HTT: variants seen among roughly 807,000 people sequenced by gnomAD.
HTT encodes the protein huntington disease protein.
In HTT, 104 loss-of-function variants were observed where a neutral mutation model predicts 362.3. The observed-to-expected ratio is 0.29, with a 90% confidence interval of 0.24 to 0.34. The LOEUF is 0.34. Ranked by LOEUF, HTT falls within the 10% of genes least tolerant of loss-of-function variation. The pLI is 1.00. For synonymous variants in HTT, 1,577 were observed against 1,548.7 expected, an observed-to-expected ratio of 1.02 and a Z score of -0.43; for missense variants, 3,301 against 3,928.6, an observed-to-expected ratio of 0.84 and a Z score of 4.27.
chr4:3,213,685 A>T (rs1720266306), intron 49 of HTT, among the ~76,000 whole-genome samples: 1 of 152,238 alleles, frequency 6.6e-6, no homozygotes. Flanking sequence ...CACGTAGCCC[A>T]GGAGAGATTT....
chr4:3,080,120 G>C (rs2110135122), intron 1 of HTT, among the ~76,000 whole-genome samples: 1 of 139,176 alleles, frequency 7.2e-6, no homozygotes, highest in South Asian at 2.3e-4. Context: ...TTGAAACGGA[G>C]TTTCGCTCTT....
chr4:3,088,308 T>C (rs1263180769), intron 2 of HTT, among the ~76,000 whole-genome samples: 5 of 151,344 alleles, frequency 3.3e-5, no homozygotes, highest in Non-Finnish European at 7.4e-5. Flanking sequence ...TGCTTCAGCC[T>C]GGCGAGTAGC....
intron 41 of HTT, among the ~76,000 whole-genome samples, chr4:3,202,055 C>T (rs1299184316): frequency 6.6e-6 from 1 of 152,188 alleles, no homozygotes; most frequent in Non-Finnish European, 1.5e-5. Context: ...CTGCCCTAGC[C>T]TAGCCCCTCT....
intron 47 of HTT, among the ~76,000 whole-genome samples, chr4:3,210,778 C>T (rs138212516): frequency 3.3e-5 from 5 of 152,206 alleles, no homozygotes; most frequent in South Asian, 4.2e-4. Context: ...CCGGGAGTGA[C>T]GGCAGGTGTT....
chr4:3,092,839 G>A (rs1383625982), intron 2 of HTT, among the ~76,000 whole-genome samples: 1 of 152,342 alleles, frequency 6.6e-6, no homozygotes, highest in South Asian at 2.1e-4. Flanking sequence ...AGAAATATAT[G>A]TAACAGTGGT....
chr4:3,205,020 T>G (rs1394363096), intron 42 of HTT, among the ~76,000 whole-genome samples: 1 of 152,178 alleles, frequency 6.6e-6, no homozygotes, highest in Non-Finnish European at 1.5e-5. Context: ...AGAAAAGGTG[T>G]TAGATGTTCT....
chr4:3,173,129 G>A lies in HTT; in HGVS notation c.4164G>A (p.Ser1388=), dbSNP rs772006950. Residue 1388 remains serine (S), a splice_region_variant and synonymous_variant, in exon 31 of 67, where the codon TCG becomes TCA. Coordinates refer to ENST00000355072, the MANE Select transcript of HTT (RefSeq NM_001388492.1). ...AGGCGGAGCAGGAGAACGACACCTC[G>A]GGGTAACAGTTGTGGCAAGAATGCT... ...MVQAEQENDT[S]GWFDVLQKVS... 22 of 1,612,830 alleles carry A rather than the reference G, an allele frequency of 1.4e-5. No homozygotes were observed. The highest frequency in any genetic ancestry group is 3.3e-5 in the Admixed American group (2 of 60,024).
chr4:3,211,473 A>G (rs554192257), intron 47 of HTT, among the ~76,000 whole-genome samples: 11 of 152,238 alleles, frequency 7.2e-5, no homozygotes, highest in Non-Finnish European at 1.6e-4. Context: ...AAATTGACAT[A>G]AGAAATACCA....
At chr4:3,131,092 G>C (rs1715789028) in intron 14 of HTT, among the ~76,000 whole-genome samples, 194 bp from the exon 15 acceptor site, 1 of 151,946 alleles carries the variant, frequency 6.6e-6, no homozygotes, top group East Asian at 1.9e-4. Context: ...CCTGTGTCCT[G>C]CTGCCTCTGA....
At chr4:3,147,681 A>G (rs1716675009) in intron 25 of HTT, among the ~76,000 whole-genome samples, 1 of 152,204 alleles carries the variant, frequency 6.6e-6, no homozygotes, top group Non-Finnish European at 1.5e-5. Flanking sequence ...TTGGGACTGT[A>G]GGGAAGACAC....
At chr4:3,086,704 A>G (rs1443253402) in intron 1 of HTT, among the ~76,000 whole-genome samples, 1 of 152,308 alleles carries the variant, frequency 6.6e-6, no homozygotes, top group South Asian at 2.1e-4. Flanking sequence ...AATGGGGGAA[A>G]TGAACTGCTT....
chr4:3,148,375 G>A (rs1035404819), intron 26 of HTT, among the ~76,000 whole-genome samples, 168 bp downstream of exon 26: 5 of 152,156 alleles, frequency 3.3e-5, no homozygotes, highest in Non-Finnish European at 5.9e-5. Context: ...CATGTGGATG[G>A]GTGCAGTGGC....
intron 2 of HTT, among the ~76,000 whole-genome samples, chr4:3,093,172 G>C (rs1282498998): frequency 1.3e-5 from 2 of 152,122 alleles, no homozygotes; most frequent in South Asian, 2.1e-4. Flanking sequence ...AATGACCCAG[G>C]GCTGGAGGTA....
chr4:3,081,483 A>C (rs967585360), intron 1 of HTT, among the ~76,000 whole-genome samples: 6 of 152,272 alleles, frequency 3.9e-5, no homozygotes, highest in African/African-American at 1.4e-4. Context: ...ACTAGCCAAA[A>C]ATATGCAGGT....
intron 40 of HTT, among the ~76,000 whole-genome samples, chr4:3,191,227 G>T (rs1347817007): frequency 6.6e-6 from 1 of 151,278 alleles, no homozygotes; most frequent in Admixed American, 6.6e-5. Context: ...ATCCTGGAGT[G>T]CAATGGTGCC....
chr4:3,218,353 C>G lies in HTT; in HGVS notation c.7242+401C>G, dbSNP rs1395907696. Among the ~76,000 whole-genome samples, 1 of 152,172 alleles carries G rather than the reference C, an allele frequency of 6.6e-6. No homozygotes were observed. The highest frequency in any genetic ancestry group is 6.5e-5 in the Admixed American group (1 of 15,280). On this transcript the variant is annotated intron_variant, in intron 52 of 66. Coordinates refer to ENST00000355072, the MANE Select transcript of HTT (RefSeq NM_001388492.1). This position sits in a 1 kb window ranked among gnomAD's most constrained non-coding sequence, Gnocchi z 4.4. ...AATTGGTTTAAAGTAGGTGTTATTG[C>G]CAGGCGCAGTAGCTCATGCCTGTAA... is the stretch of plus-strand genomic sequence containing the variant.
chr4:3,186,498 T>C, intron 37 of HTT, 99 bp from the exon 38 acceptor site: 1 of 1,314,442 alleles, frequency 7.6e-7, no homozygotes. Context: ...GACGATGAGA[T>C]GATTATGATG....
Position 3,205,529 on chromosome 4 carries a change from GA to G in HTT, c.5719-961del, listed in dbSNP as rs528590689. Among the ~76,000 whole-genome samples, 211 of 152,058 alleles carry G rather than the reference GA, an allele frequency of 1.4e-3. 2 individuals carry two copies. Among genetic ancestry groups the G allele is most frequent in the Non-Finnish European group, 3.8e-4 (26 of 67,978 alleles). ...AATGCTGTTTTTCACAGAAATATAA[GA>G]AAAAAGATACTAATTTTATAAGTTA... is the stretch of plus-strand genomic sequence containing the variant. On this transcript the variant is annotated intron_variant, in intron 42 of 66. Coordinates refer to ENST00000355072, the MANE Select transcript of HTT (RefSeq NM_001388492.1).
chr4:3,233,446 C>T (rs570671055), intron 61 of HTT, 93 bp downstream of exon 61: 5 of 1,261,008 alleles, frequency 4.0e-6, no homozygotes, highest in African/African-American at 1.8e-5. Context: ...AGGCTCCTGG[C>T]CAGATGGCAG....
Sources: allele counts gnomAD v4.1 joint callset (sites outside exome capture counted in the v4.1 genomes callset), GRCh38; gene constraint gnomAD v4.1.1; non-coding constraint Gnocchi (gnomAD v3.1); transcripts MANE v1.5; gene names NCBI Gene and HGNC (gene_info 2026-07-23, HGNC 2026-07-21).